UTP6: variants seen among roughly 807,000 people sequenced by gnomAD.
UTP6 encodes the protein UTP6 small subunit processome component.
In UTP6, 60 loss-of-function variants were observed where a neutral mutation model predicts 96.5. That is an observed-to-expected ratio of 0.62 (90% confidence interval 0.51 to 0.77). The LOEUF (loss-of-function observed/expected upper bound fraction) is 0.77. Among genes scored for constraint, UTP6 ranks in the 30% least tolerant of loss-of-function variants. The pLI is 0.00. For missense variants in UTP6, 637 were observed against 706.5 expected, an observed-to-expected ratio of 0.90 and a Z score of 1.12; for synonymous variants, 215 against 240.1, an observed-to-expected ratio of 0.90 and a Z score of 0.96.
intron 16 of UTP6, among the ~76,000 whole-genome samples, chr17:31,871,877 G>C (rs1481207624): frequency 6.6e-6 from 1 of 151,760 alleles, no homozygotes; most frequent in Middle Eastern, 3.2e-3. Context: ...GGGCAACAGA[G>C]CAAGACTCTG....
At chr17:31,878,598 A>G (rs1420657672) in intron 12 of UTP6, 104 bp downstream of exon 12, 1 of 1,153,354 alleles carries the variant, frequency 8.7e-7, no homozygotes, top group Non-Finnish European at 1.3e-6. Flanking sequence ...GGCTAAACAT[A>G]AAAGTTCTCA....
In UTP6 at chr17:31,900,921, G is replaced by A. The variant is rs147009384; in HGVS notation, c.92+615C>T. Among the ~76,000 whole-genome samples, 25 of 152,300 alleles carry A rather than the reference G, an allele frequency of 1.6e-4. No individual in the cohort carries two copies. The East Asian group carries it at 4.4e-3, about 27-fold the overall frequency. On this transcript the variant is annotated intron_variant, in intron 1 of 18. Coordinates refer to ENST00000261708, the MANE Select transcript of UTP6 (RefSeq NM_018428.3). The stretch of plus-strand genomic sequence containing the variant: ...TTTGTTTTGTGTTTCATTAACGAAT[G>A]CTTACTTTGAAGCTCTGAGTCACAT...
Position 31,863,329 on chromosome 17 carries a change from A to G in UTP6, c.*30T>C, listed in dbSNP as rs16967028. The stretch of plus-strand genomic sequence containing the variant: ...GCCCACGGGGCTTGCTTGCAATACT[A>G]TTTCACAAAGCTGACTGTATTCTTC... On this transcript the variant is annotated 3_prime_UTR_variant, in exon 19 of 19. Coordinates refer to ENST00000261708, the MANE Select transcript of UTP6 (RefSeq NM_018428.3). The G allele has an allele frequency of 0.041, 65,919 of 1,609,492 alleles. 3,229 individuals carry two copies. The highest frequency in any genetic ancestry group is 0.24 in the African/African-American group (17,925 of 74,814).
chr17:31,875,108 T>C, intron 14 of UTP6, 126 bp downstream of exon 14: 1 of 1,075,460 alleles, frequency 9.3e-7, no homozygotes, highest in Non-Finnish European at 1.4e-6. Context: ...CTATGAACCA[T>C]CACCACTGAA....
intron 1 of UTP6, 65 bp from the exon 2 acceptor site, chr17:31,899,795 G>A (rs1904866841): frequency 1.7e-6 from 2 of 1,157,184 alleles, no homozygotes; most frequent in African/African-American, 1.6e-5. Flanking sequence ...AGTTTATTTT[G>A]AATATATTTA....
intron 7 of UTP6, 69 bp from the exon 8 acceptor site, chr17:31,887,382 C>CTCCTG: frequency 7.6e-7 from 1 of 1,315,392 alleles, no homozygotes; most frequent in South Asian, 1.2e-5. Context: ...CAGGGTCTTG[C>CTCCTG]TCTGTCACCC....
intron 11 of UTP6, chr17:31,880,271 A>G (rs1910742380): frequency 2.9e-6 from 1 of 345,392 alleles, no homozygotes; most frequent in South Asian, 2.7e-5. Flanking sequence ...ATACAAAAAA[A>G]TTAGCTGGGC....
At chr17:31,889,141 G>A in intron 7 of UTP6, 144 bp downstream of exon 7, 1 of 538,442 alleles carries the variant, frequency 1.9e-6, no homozygotes, top group Non-Finnish European at 3.3e-6. Flanking sequence ...AAAAAAAATA[G>A]CCAGGTATGG....
chr17:31,884,381 G>T (rs772706792), intron 10 of UTP6, 43 bp downstream of exon 10: 14 of 1,463,834 alleles, frequency 9.6e-6, no homozygotes, highest in African/African-American at 1.4e-5. Flanking sequence ...TTAATCTCAA[G>T]ATCAGAAATA....
intron 17 of UTP6, among the ~76,000 whole-genome samples, chr17:31,866,887 C>CAAAAAA (rs56235737): frequency 9.2e-5 from 4 of 43,568 alleles, no homozygotes; most frequent in Non-Finnish European, 1.4e-4. Context: ...ACTCTTGTCT[C>CAAAAAA]AAAAAAAAAA....
intron 6 of UTP6, among the ~76,000 whole-genome samples, chr17:31,891,298 C>T (rs8079471): frequency 0.71 from 108,541 of 152,018 alleles, 39,483 homozygotes; most frequent in East Asian, 0.84. Flanking sequence ...CTAAACCAGA[C>T]TGGATCCCCT....
intron 3 of UTP6, 110 bp downstream of exon 3, chr17:31,894,860 C>A: frequency 8.0e-7 from 1 of 1,255,280 alleles, no homozygotes; most frequent in South Asian, 1.3e-5. Context: ...CCATTATAGG[C>A]ATATCACCAC....
chr17:31,888,759 G>A (rs1911294767), intron 7 of UTP6, among the ~76,000 whole-genome samples: 1 of 151,956 alleles, frequency 6.6e-6, no homozygotes. Context: ...TCCATAAATT[G>A]AAGCCTTTTT....
intron 14 of UTP6, among the ~76,000 whole-genome samples, chr17:31,874,645 A>T (rs1216351872): frequency 1.3e-5 from 2 of 152,044 alleles, no homozygotes; most frequent in African/African-American, 4.8e-5. Context: ...CTGCAAAGTG[A>T]ATCTGGCCAT....
intron 6 of UTP6, among the ~76,000 whole-genome samples, chr17:31,890,890 G>A (rs190384473): frequency 1.4e-3 from 208 of 151,630 alleles, no homozygotes; most frequent in Admixed American, 2.3e-3. Context: ...AGAAGGCTGA[G>A]GCATGAGAAT....
At chr17:31,877,746 C>G (rs896280159) in intron 13 of UTP6, among the ~76,000 whole-genome samples, 10 of 152,068 alleles carry the variant, frequency 6.6e-5, no homozygotes, top group African/African-American at 2.2e-4. Flanking sequence ...GCAGGGGGAT[C>G]ACTTGAGGTC....
intron 14 of UTP6, 121 bp from the exon 15 acceptor site, chr17:31,873,874 C>G: frequency 8.9e-7 from 1 of 1,118,376 alleles, no homozygotes; most frequent in Non-Finnish European, 1.2e-6. Context: ...ACAGTTTAGT[C>G]CTATGCTCTG....
intron 4 of UTP6, among the ~76,000 whole-genome samples, 164 bp downstream of exon 4, chr17:31,894,481 G>C (rs576331076): frequency 1.3e-5 from 2 of 152,054 alleles, no homozygotes; most frequent in South Asian, 4.2e-4. Flanking sequence ...TTTCTTACTG[G>C]TTTGTTAAGT....
Position 31,875,359 on chromosome 17 carries a change from C to G in UTP6, c.1180G>C (p.Ala394Pro). The change falls in exon 14 of 19, where the codon GCT becomes CCT. Residue 394 changes from alanine (A) to proline (P), a missense_variant. By Grantham distance (27) the Ala-to-Pro change is conservative. Coordinates refer to ENST00000261708, the MANE Select transcript of UTP6 (RefSeq NM_018428.3). Reference sequence around the variant, plus strand: ...GAGTCTCTAAACAATTCAGTTCCAGCTACTGCCACTTCCAGAGCTTCCCTC... The same window carrying G: ...GAGTCTCTAAACAATTCAGTTCCAGGTACTGCCACTTCCAGAGCTTCCCTC... ...FLREALEVAV[A>P]GTELFRDSGT... is the part of the protein sequence containing the mutation. 1 of 1,614,180 alleles carries G rather than the reference C, an allele frequency of 6.2e-7. No homozygotes were observed. Among genetic ancestry groups the G allele is most frequent in the Non-Finnish European group, 8.5e-7 (1 of 1,180,036 alleles).
Sources: gnomAD v4.1 joint callset for allele counts (sites outside exome capture counted in the v4.1 genomes callset) on GRCh38, gnomAD v4.1.1 for gene constraint, MANE v1.5 for transcripts, NCBI Gene and HGNC (gene_info 2026-07-23, HGNC 2026-07-21) for gene names.